FAM204A: variants seen among roughly 807,000 people sequenced by gnomAD.
The protein encoded by FAM204A is protein FAM204A.
In FAM204A, 16 loss-of-function variants were observed where a neutral mutation model predicts 35.4. The ratio of observed to expected loss-of-function variants is 0.45; its 90% CI spans 0.31 to 0.69. The LOEUF (loss-of-function observed/expected upper bound fraction) is 0.69, where lower values mean the gene tolerates loss of function less well. Ranked by LOEUF, FAM204A falls within the 30% of genes least tolerant of loss-of-function variation. The pLI, the probability that FAM204A is intolerant of heterozygous loss-of-function variation, is 0.07. For missense variants in FAM204A, 240 were observed against 265.7 expected, an observed-to-expected ratio of 0.90 and a Z score of 0.67; for synonymous variants, 76 against 86.9, an observed-to-expected ratio of 0.88 and a Z score of 0.70.
chr10:118,320,113 CATGAAGATGCCTAGAGAGAA>C (rs1201566851), intron 7 of FAM204A, among the ~76,000 whole-genome samples: 1 of 151,850 alleles, frequency 6.6e-6, no homozygotes, highest in Non-Finnish European at 1.5e-5. Flanking sequence ...AGCAGGCTAA[CATGAAGATGCCTAGAGAGAA>C]ATCCCCTTTT....
At chr10:118,335,372 A>AT in intron 5 of FAM204A, 24 bp downstream of exon 5, 1 of 1,578,510 alleles carries the variant, frequency 6.3e-7, no homozygotes, top group Non-Finnish European at 8.6e-7. Flanking sequence ...CCTAAAATAG[A>AT]TAACTATTTT....
At chr10:118,324,104 C>T (rs1846160983) in intron 7 of FAM204A, among the ~76,000 whole-genome samples, 2 of 152,040 alleles carry the variant, frequency 1.3e-5, no homozygotes, top group Admixed American at 6.6e-5. Flanking sequence ...ATACCTGTAC[C>T]TTTCTATTCC....
intron 2 of FAM204A, among the ~76,000 whole-genome samples, chr10:118,336,705 TA>T (rs1411369636): frequency 6.6e-6 from 1 of 152,188 alleles, no homozygotes; most frequent in Non-Finnish European, 1.5e-5. Flanking sequence ...CTTGATTCTC[TA>T]ATATATGAGT....
rs1845887031 is a variant in FAM204A, at chr10:118,307,733, TTAA to T, written c.*3121_*3123del. 1 of 152,186 alleles carries T rather than the reference TTAA, an allele frequency of 6.6e-6. No homozygotes were observed. Among genetic ancestry groups the T allele is most frequent in the South Asian group, 2.1e-4 (1 of 4,830 alleles). 9.4% of individuals were successfully genotyped at this position (152,186 alleles called of 1,614,324 possible). A position where few individuals can be genotyped will look rare whatever the true frequency, so the allele number is the denominator to read the frequency against. On this transcript the variant is annotated 3_prime_UTR_variant, in exon 9 of 9. Coordinates refer to ENST00000369183, the MANE Select transcript of FAM204A (RefSeq NM_022063.3). ...ATTCAAACTTGTCTTATTAAAGTTA[TTAA>T]TAAGCTAAAAGATAATATTTTAGAC...
chr10:118,329,104 C>T (rs1846247914), intron 6 of FAM204A, among the ~76,000 whole-genome samples: 1 of 152,156 alleles, frequency 6.6e-6, no homozygotes, highest in Non-Finnish European at 1.5e-5. Context: ...CCCTGCTTCT[C>T]CTCCTCCTCA....
In FAM204A at chr10:118,302,672, C is replaced by A. The variant is rs751821494; in HGVS notation, c.*8185G>T. ...TCCAATTGAGTTCTTTGACACGGAACCTTTCTTTTCCTTTTTTGGAAAATG... is the reference window on the plus strand; with the variant it reads ...TCCAATTGAGTTCTTTGACACGGAAACTTTCTTTTCCTTTTTTGGAAAATG... On this transcript the variant is annotated 3_prime_UTR_variant, in exon 9 of 9. Coordinates refer to ENST00000369183, the MANE Select transcript of FAM204A (RefSeq NM_022063.3). 6.6e-6 allele frequency: 1 copy of A among 152,170 alleles called. No individual in the cohort carries two copies. The highest frequency in any genetic ancestry group is 1.5e-5 in the Non-Finnish European group (1 of 68,036). 9.4% of individuals were successfully genotyped at this position (152,170 alleles called of 1,614,324 possible).
chr10:118,318,227 A>G (rs1332053867), intron 7 of FAM204A, among the ~76,000 whole-genome samples: 3 of 152,040 alleles, frequency 2.0e-5, no homozygotes, highest in Non-Finnish European at 4.4e-5. Context: ...AAGGGACAGA[A>G]GGCACAGTAA....
chr10:118,320,003 C>T (rs1314843646), intron 7 of FAM204A, among the ~76,000 whole-genome samples: 2 of 151,844 alleles, frequency 1.3e-5, no homozygotes, highest in Admixed American at 1.3e-4. Context: ...TGCCATCACA[C>T]TATATAGGTA....
chr10:118,323,722 A>T (rs147744036), intron 7 of FAM204A, among the ~76,000 whole-genome samples: 110 of 152,118 alleles, frequency 7.2e-4, no homozygotes, highest in African/African-American at 2.6e-3. Flanking sequence ...CAAGTCTCCA[A>T]AATTTGGAGA....
At chr10:118,328,346 A>G (rs1846231941) in intron 6 of FAM204A, among the ~76,000 whole-genome samples, 2 of 152,126 alleles carry the variant, frequency 1.3e-5, no homozygotes, top group African/African-American at 4.8e-5. Context: ...CTAAACTCTA[A>G]GCCAGTGGTT....
intron 7 of FAM204A, among the ~76,000 whole-genome samples, chr10:118,319,817 T>C (rs994124604): frequency 1.2e-4 from 18 of 151,942 alleles, no homozygotes; most frequent in African/African-American, 3.9e-4. Flanking sequence ...TCTTTGTAGC[T>C]TGTGCAAAAC....
chr10:118,310,983 G>T, intron 8 of FAM204A, 75 bp from the exon 9 acceptor site: 1 of 1,430,490 alleles, frequency 7.0e-7, no homozygotes, highest in Non-Finnish European at 9.5e-7. Context: ...TTTACTTAGA[G>T]ACCAAAGCAA....
At position 118,332,173 on chromosome 10, in the gene FAM204A, G is replaced by GAAA. The variant is rs59564428; in HGVS notation, c.453+2938_453+2940dup. ...GGCAACAGAGCAAGACTCTGTTTCAGAAAAAAAAAAAAAAAATCATATGAG... is the reference window on the plus strand; with the variant it reads ...GGCAACAGAGCAAGACTCTGTTTCAGAAAAAAAAAAAAAAAAAAATCATATGAG... On this transcript the variant is annotated intron_variant, in intron 6 of 8. Transcript: ENST00000369183. 2.1e-3 allele frequency among the ~76,000 whole-genome samples: 113 copies of GAAA among 54,162 alleles called. 5 individuals are homozygous for GAAA. The highest frequency in any genetic ancestry group is 4.3e-3 in the African/African-American group (66 of 15,196). The allele number at this position is 54,162 out of a possible 152,430, so 35.5% of individuals were successfully genotyped here. A position where few individuals can be genotyped will look rare whatever the true frequency, so the allele number is the denominator to read the frequency against.
At chr10:118,312,534 A>C (rs1487034278) in intron 7 of FAM204A, among the ~76,000 whole-genome samples, 5 of 152,224 alleles carry the variant, frequency 3.3e-5, no homozygotes, top group Non-Finnish European at 7.3e-5. Context: ...GTAGTAATCA[A>C]GCACTGTCTG....
At position 118,299,385 on chromosome 10, in the gene FAM204A, CAGA is replaced by C. The variant is rs1203790776; in HGVS notation, c.*11469_*11471del. On this transcript the variant is annotated 3_prime_UTR_variant, in exon 9 of 9. Coordinates refer to ENST00000369183, the MANE Select transcript of FAM204A (RefSeq NM_022063.3). Reference sequence around the variant, plus strand: ...TGGAAAACCTCCTCCTTTCTGCTTCCAGAAGGTTTTTTTTTTTTTTTTTTTTTT... The same window carrying C: ...TGGAAAACCTCCTCCTTTCTGCTTCCAGGTTTTTTTTTTTTTTTTTTTTTT... 9 of 112,544 alleles carry C rather than the reference CAGA, an allele frequency of 8.0e-5. No individual in the cohort carries two copies. The East Asian group carries it at 1.4e-3, about 18-fold the overall frequency. The allele number at this position is 112,544 out of a possible 1,614,324, so 7.0% of individuals were successfully genotyped here.
rs760494889 is a variant in FAM204A, at chr10:118,335,627, C to A, written c.249G>T (p.Leu83Phe). The A allele has an allele frequency of 6.2e-7, 1 of 1,603,380 alleles. No homozygotes were observed. The highest frequency in any genetic ancestry group is 1.7e-5 in the Admixed American group (1 of 57,514). ...PIDMWNKFQE[L>F]HKKHSEQKST... ...TTTTCTGTTCAGAATGTTTTTTATG[C>A]AATTCTTGAAATTTCTATGTAAAAG... Residue 83 changes from leucine to phenylalanine, a missense_variant, in exon 4 of 9, where the codon TTG (leucine) becomes TTT (phenylalanine). By Grantham distance (22) the Leu-to-Phe change is conservative (BLOSUM62 0). This residue lies in a region of FAM204A where 232 missense variants were observed against 242.8 expected (regional missense o/e 0.96). Coordinates refer to ENST00000369183, the MANE Select transcript of FAM204A (RefSeq NM_022063.3).
At chr10:118,339,198 G>A (rs1354583011) in intron 2 of FAM204A, among the ~76,000 whole-genome samples, 15 of 152,236 alleles carry the variant, frequency 9.9e-5, no homozygotes, top group Middle Eastern at 3.4e-3. Context: ...TGATAAACAC[G>A]GATAACTGCT....
In FAM204A at chr10:118,321,724, C is replaced by CAAAAAAAAAAAAAAAAAA. The variant is rs200200755; in HGVS notation, c.543+4412_543+4429dup. Among the ~76,000 whole-genome samples, 26 of 87,252 alleles carry CAAAAAAAAAAAAAAAAAA rather than the reference C, an allele frequency of 3.0e-4. 1 individual carries two copies. The highest frequency in any genetic ancestry group is 8.0e-4 in the East Asian group (2 of 2,508). 57.2% of individuals were successfully genotyped at this position (87,252 alleles called of 152,430 possible). Reference sequence around the variant, plus strand: ...TTTCTAAAACTGCAGTATGACAAAGCAAAAAAAAAAAAAAAAAAAAGAATC... The same window carrying CAAAAAAAAAAAAAAAAAA: ...TTTCTAAAACTGCAGTATGACAAAGCAAAAAAAAAAAAAAAAAAAAAAAAAAAAAAAAAAAAAAGAATC... On this transcript the variant is annotated intron_variant, in intron 7 of 8. Coordinates refer to ENST00000369183, the MANE Select transcript of FAM204A (RefSeq NM_022063.3).
In FAM204A at chr10:118,298,882, C is replaced by T. The variant is rs564341912; in HGVS notation, c.*11975G>A. ...CACCGTTAATTCTCTGTTGCATTAC[C>T]TATCCTGTTTAAAAAAATAAAACAA... On this transcript the variant is annotated 3_prime_UTR_variant, in exon 9 of 9. Coordinates refer to ENST00000369183, the MANE Select transcript of FAM204A (RefSeq NM_022063.3). The T allele has an allele frequency of 1.3e-5, 2 of 152,216 alleles. No homozygotes were observed. The highest frequency in any genetic ancestry group is 4.8e-5 in the African/African-American group (2 of 41,512). The allele number at this position is 152,216 out of a possible 1,614,324, so 9.4% of individuals were successfully genotyped here.
Sources: allele counts gnomAD v4.1 joint callset (sites outside exome capture counted in the v4.1 genomes callset), GRCh38; gene constraint gnomAD v4.1.1; regional missense constraint gnomAD v4.1.1; transcripts MANE v1.5; gene names NCBI Gene and HGNC (gene_info 2026-07-23, HGNC 2026-07-21).